Variants in DPCD observed in about 807,000 individuals in gnomAD.
DPCD encodes the protein protein DPCD.
In DPCD, 20 loss-of-function variants were observed where a neutral mutation model predicts 26.4. The ratio of observed to expected loss-of-function variants is 0.76; its 90% CI spans 0.53 to 1.10. The LOEUF (loss-of-function observed/expected upper bound fraction) is 1.10, where lower values mean the gene tolerates loss of function less well. Ranked by LOEUF, DPCD falls within the 50% of genes least tolerant of loss-of-function variation. The probability of loss-of-function intolerance (pLI) is 0.00; values close to 1 mark genes in which losing one functional copy is unlikely to be tolerated. For synonymous variants in DPCD, 97 were observed against 94.2 expected (o/e 1.03, Z -0.17); for missense variants, 202 against 253.9 (o/e 0.80, Z 1.39).
Position 101,609,486 on chromosome 10 carries a change from T to C in DPCD, c.*15T>C. ...AGACCCAGTAGTTGGCCCCTGAGCC[T>C]TATACCTCCACCACAGGGGGTGCCG... On this transcript the variant is annotated 3_prime_UTR_variant, in exon 6 of 6. Transcript: ENST00000370151. The C allele has an allele frequency of 6.2e-7, 1 of 1,610,764 alleles. No individual in the cohort carries two copies.
chr10:101,591,265 AATGCTGCTCTGAACATGAGT>A (rs2063604878), intron 1 of DPCD, among the ~76,000 whole-genome samples: 1 of 152,222 alleles, frequency 6.6e-6, no homozygotes, highest in Non-Finnish European at 1.5e-5. Flanking sequence ...TATTGTGGAT[AATGCTGCTCTGAACATGAGT>A]ATACAAATAT....
intron 2 of DPCD, among the ~76,000 whole-genome samples, chr10:101,596,245 T>C (rs1022839481): frequency 6.6e-6 from 1 of 151,892 alleles, no homozygotes; most frequent in African/African-American, 2.4e-5. Flanking sequence ...TGGAGAAGAC[T>C]GTTCACAGGA....
At chr10:101,598,007 C>G (rs576179599) in intron 2 of DPCD, among the ~76,000 whole-genome samples, 1 of 152,196 alleles carries the variant, frequency 6.6e-6, no homozygotes, top group South Asian at 2.1e-4. Context: ...AAAGGTGAAG[C>G]AGCCAGAGGT....
Position 101,601,305 on chromosome 10 carries a change from C to T in DPCD, c.373C>T (p.Arg125Cys), listed in dbSNP as rs144747818. The T allele has an allele frequency of 5.0e-5, 81 of 1,613,606 alleles. No individual in the cohort carries two copies. The highest frequency in any genetic ancestry group is 2.3e-4 in the African/African-American group (17 of 74,826). Residue 125 changes from arginine (R) to cysteine (C), a missense_variant, in exon 4 of 6, where the codon CGC becomes TGC. Arg to Cys is a radical substitution (Grantham distance 180). Coordinates refer to ENST00000370151, the MANE Select transcript of DPCD (RefSeq NM_015448.3). ...VYSVSVDQKE[R>C]CIIVRTTNKK... ...TAGTGTCTCTGTGGACCAGAAGGAG[C>T]GCTGCATCATTGTCAGAACAACCAA...
chr10:101,605,298 G>C (rs1181715289), intron 4 of DPCD: 1 of 1,520,128 alleles, frequency 6.6e-7, no homozygotes, highest in Non-Finnish European at 8.8e-7. Flanking sequence ...CTGAGGGCCT[G>C]GCCTCTGGTG....
chr10:101,596,021 A>G (rs1207177449), intron 2 of DPCD, among the ~76,000 whole-genome samples: 1 of 152,210 alleles, frequency 6.6e-6, no homozygotes, highest in African/African-American at 2.4e-5. Flanking sequence ...CAGAGCAAAT[A>G]AAACAGCTAT....
intron 4 of DPCD, 98 bp downstream of exon 4, chr10:101,601,434 A>G (rs1489727773): frequency 1.6e-6 from 2 of 1,228,168 alleles, no homozygotes; most frequent in Admixed American, 4.3e-5. Context: ...CCGGTCCTGC[A>G]GAGAGGAAGC....
intron 5 of DPCD, chr10:101,609,166 G>T (rs1008888229): frequency 3.1e-6 from 2 of 647,674 alleles, no homozygotes; most frequent in Middle Eastern, 3.0e-4. Context: ...AAGGGAAGCG[G>T]TGGAAATTGC....
intron 1 of DPCD, among the ~76,000 whole-genome samples, chr10:101,592,215 A>G (rs1001191258): frequency 6.6e-5 from 10 of 152,216 alleles, no homozygotes; most frequent in Non-Finnish European, 1.0e-4. Context: ...AAGAAAATAT[A>G]TAGTTGGCTT....
chr10:101,594,607 G>T, intron 1 of DPCD, 51 bp from the exon 2 acceptor site: 2 of 1,584,852 alleles, frequency 1.3e-6, no homozygotes, highest in South Asian at 2.2e-5. Flanking sequence ...ATCTGCAAGG[G>T]ACAGGGCAAG....
chr10:101,606,634 T>TC (rs936455056), intron 4 of DPCD, among the ~76,000 whole-genome samples: 1 of 152,158 alleles, frequency 6.6e-6, no homozygotes, highest in African/African-American at 2.4e-5. Context: ...CATCCTTAAA[T>TC]CCCCAGCTCA....
intron 5 of DPCD, 132 bp from the exon 6 acceptor site, chr10:101,609,235 A>G: frequency 2.4e-6 from 2 of 846,644 alleles, no homozygotes; most frequent in South Asian, 1.7e-5. Context: ...ACCTTGAGCA[A>G]ATCATTCAAT....
intron 2 of DPCD, among the ~76,000 whole-genome samples, chr10:101,596,927 A>T (rs1483277848): frequency 6.6e-6 from 1 of 152,192 alleles, no homozygotes; most frequent in Non-Finnish European, 1.5e-5. Context: ...AAGAATTGCC[A>T]ATAGGTGTGC....
At chr10:101,590,612 TC>T in intron 1 of DPCD, among the ~76,000 whole-genome samples, 1 of 148,772 alleles carries the variant, frequency 6.7e-6, no homozygotes. Context: ...AGAGACAGGG[TC>T]TTGCTCTGTC....
chr10:101,604,901 T>G (rs2063722868), intron 4 of DPCD, among the ~76,000 whole-genome samples: 1 of 152,194 alleles, frequency 6.6e-6, no homozygotes, highest in Non-Finnish European at 1.5e-5. Context: ...CTTGGCTGAT[T>G]TGACATCGGT....
At chr10:101,594,234 G>C (rs2063633650) in intron 1 of DPCD, among the ~76,000 whole-genome samples, 1 of 152,070 alleles carries the variant, frequency 6.6e-6, no homozygotes. Flanking sequence ...AAAGTATCAT[G>C]GTATGTAGTA....
chr10:101,588,328 A>AGGGGAAAGATGGCGGTGAC lies in DPCD; in HGVS notation c.-5_14dup, dbSNP rs1204819335. ...GCAGCGGCTGGGCGTGCTGCTTAGC[A>AGGGGAAAGATGGCGGTGAC]GGGGAAAGATGGCGGTGACGGGCTG... On this transcript the variant is annotated 5_prime_UTR_variant, in exon 1 of 6. It adds an upstream start codon to the 5' untranslated region. Coordinates refer to ENST00000370151, the MANE Select transcript of DPCD (RefSeq NM_015448.3). 1.2e-6 allele frequency: 2 copies of AGGGGAAAGATGGCGGTGAC among 1,600,338 alleles called. No homozygotes were observed. Among genetic ancestry groups the AGGGGAAAGATGGCGGTGAC allele is most frequent in the Non-Finnish European group, 1.7e-6 (2 of 1,172,402 alleles).
At chr10:101,609,250 C>T (rs1589731638) in intron 5 of DPCD, 117 bp from the exon 6 acceptor site, 1 of 945,218 alleles carries the variant, frequency 1.1e-6, no homozygotes. Flanking sequence ...TTCAATCCTA[C>T]AGGCCTCAAT....
chr10:101,599,603 A>G (rs980734904), intron 2 of DPCD, among the ~76,000 whole-genome samples: 1 of 152,196 alleles, frequency 6.6e-6, no homozygotes, highest in Non-Finnish European at 1.5e-5. Flanking sequence ...TATACCGGTG[A>G]GGGCGTTTGG....
Sources: gnomAD v4.1 joint callset for allele counts (sites outside exome capture counted in the v4.1 genomes callset) on GRCh38, gnomAD v4.1.1 for gene constraint, MANE v1.5 for transcripts, NCBI Gene and HGNC (gene_info 2026-07-23, HGNC 2026-07-21) for gene names.